ST14: variants seen among roughly 807,000 people sequenced by gnomAD.
ST14 encodes ST14 transmembrane serine protease matriptase.
In ST14, 40 loss-of-function variants were observed where a neutral mutation model predicts 96.5. The ratio of observed to expected loss-of-function variants is 0.41; its 90% CI spans 0.32 to 0.54. ST14 has a LOEUF of 0.54. Ranked by LOEUF, ST14 falls within the 20% of genes least tolerant of loss-of-function variation. The probability of loss-of-function intolerance (pLI) is 0.17; values close to 1 mark genes in which losing one functional copy is unlikely to be tolerated. For synonymous variants in ST14, 506 were observed against 492.1 expected (o/e 1.03, Z -0.37); for missense variants, 1,066 against 1,188.9 (o/e 0.90, Z 1.52).
At position 130,188,982 on chromosome 11, in the gene ST14, G is replaced by A. The variant is rs1358114535; in HGVS notation, c.440+43G>A. On this transcript the variant is annotated intron_variant, in intron 4 of 18. Transcript: ENST00000278742. This position sits in a 1 kb window ranked among gnomAD's most constrained non-coding sequence, Gnocchi z 5.4. ...GCTCAGTGGGATGCACCCCAGACTGGCTGGGAGTAGGATCGGGGTACAGTG... is the reference window on the plus strand; with the variant it reads ...GCTCAGTGGGATGCACCCCAGACTGACTGGGAGTAGGATCGGGGTACAGTG... The A allele has an allele frequency of 6.3e-7, 1 of 1,575,282 alleles. No individual in the cohort carries two copies. Among genetic ancestry groups the A allele is most frequent in the African/African-American group, 1.3e-5 (1 of 74,668 alleles).
At chr11:130,183,455 C>A (rs1023611539) in intron 1 of ST14, among the ~76,000 whole-genome samples, 3 of 151,814 alleles carry the variant, frequency 2.0e-5, no homozygotes. Context: ...ACCCTGTAGT[C>A]CCAGCTACTC....
At position 130,198,542 on chromosome 11, in the gene ST14, G is replaced by A; in HGVS notation, c.1605G>A (p.Gly535=). The change falls in exon 14 of 19, where the codon GGG becomes GGA. Residue 535 remains glycine, a synonymous_variant. Transcript: ENST00000278742. Reference sequence around the variant, plus strand: ...CCCAGACCTTCAGGTGTTCCAATGGGAAGTGCCTCTCGAAAAGCCAGCAGT... The same window carrying A: ...CCCAGACCTTCAGGTGTTCCAATGGAAAGTGCCTCTCGAAAAGCCAGCAGT... ...CPAQTFRCSN[G]KCLSKSQQCN... is the part of the protein sequence containing the mutation. 6.2e-7 allele frequency: 1 copy of A among 1,614,090 alleles called. No individual in the cohort carries two copies. Among genetic ancestry groups the A allele is most frequent in the Non-Finnish European group, 8.5e-7 (1 of 1,180,026 alleles).
chr11:130,169,095 T>TC (rs1449622151), intron 1 of ST14, among the ~76,000 whole-genome samples: 2 of 100,876 alleles, frequency 2.0e-5, no homozygotes, highest in East Asian at 9.5e-4. Flanking sequence ...ATAATGGGTT[T>TC]TTTTTTTTTT....
At chr11:130,169,823 A>G (rs1238480220) in intron 1 of ST14, among the ~76,000 whole-genome samples, 2 of 152,198 alleles carry the variant, frequency 1.3e-5, no homozygotes, top group African/African-American at 4.8e-5. Context: ...GATTTAATAA[A>G]AAGTCAAGAA....
In ST14 at chr11:130,181,323, G is replaced by A. The variant is rs1319066706; in HGVS notation, c.82-6791G>A. 1.3e-5 allele frequency among the ~76,000 whole-genome samples: 2 copies of A among 152,238 alleles called. No homozygotes were observed. The highest frequency in any genetic ancestry group is 2.4e-5 in the African/African-American group (1 of 41,520). ...ACCTCCCGCCTGGAAGTCATTCCTCGTTCCCTTGTCTGAGTGGCCTGGAGC... is the reference window on the plus strand; with the variant it reads ...ACCTCCCGCCTGGAAGTCATTCCTCATTCCCTTGTCTGAGTGGCCTGGAGC... On this transcript the variant is annotated intron_variant, in intron 1 of 18. Coordinates refer to ENST00000278742, the MANE Select transcript of ST14 (RefSeq NM_021978.4). The surrounding 1 kb of genome is among the most constrained non-coding windows in gnomAD (Gnocchi z 4.1).
Position 130,190,312 on chromosome 11 carries a change from C to T in ST14, c.635-142C>T. The T allele has an allele frequency of 8.0e-6, 12 of 1,491,130 alleles. No homozygotes were observed. In the South Asian group the frequency reaches 1.4e-4, roughly 18 times the overall value. The allele number at this position is 1,491,130 out of a possible 1,614,324, so 92.4% of individuals were successfully genotyped here. On this transcript the variant is annotated intron_variant, in intron 6 of 18. Transcript: ENST00000278742. ...CCAGGCCCTTCTGAGAAGCCCCCTT[C>T]CTGATTTCCCGAGGCCCAGGGCAGC...
At chr11:130,169,701 G>T (rs1953072770) in intron 1 of ST14, among the ~76,000 whole-genome samples, 2 of 152,194 alleles carry the variant, frequency 1.3e-5, no homozygotes. Context: ...ACTATTGGGA[G>T]AAACTGGGCA....
At chr11:130,168,468 T>C (rs1005437244) in intron 1 of ST14, among the ~76,000 whole-genome samples, 3 of 152,112 alleles carry the variant, frequency 2.0e-5, no homozygotes, top group South Asian at 2.1e-4. Context: ...GTCTCCTGAG[T>C]GGGGAAACTA....
At chr11:130,180,077 C>T (rs1394663004) in intron 1 of ST14, among the ~76,000 whole-genome samples, 3 of 152,192 alleles carry the variant, frequency 2.0e-5, no homozygotes, top group Admixed American at 1.3e-4. Flanking sequence ...TGAAATCCGT[C>T]CCACCTTGGA....
At chr11:130,182,703 G>A (rs1345459391) in intron 1 of ST14, among the ~76,000 whole-genome samples, 1 of 150,892 alleles carries the variant, frequency 6.6e-6, no homozygotes, top group Non-Finnish European at 1.5e-5. Context: ...AGGCTGGAGT[G>A]CAGTGGTGTG....
intron 11 of ST14, among the ~76,000 whole-genome samples, chr11:130,197,049 C>G (rs1210737375): frequency 6.6e-6 from 1 of 152,184 alleles, no homozygotes; most frequent in Non-Finnish European, 1.5e-5. Flanking sequence ...CCTGTTAGCA[C>G]CGTTAGGATT....
Position 130,196,396 on chromosome 11 carries a change from GGC to G in ST14, c.1173_1174del (p.Val392AlafsTer51). The G allele has an allele frequency of 1.2e-6, 2 of 1,610,074 alleles. No homozygotes were observed. The highest frequency in any genetic ancestry group is 8.5e-7 in the Non-Finnish European group (1 of 1,178,594). ...RFKFFYLLEP[G>X]VPAGTCPKDY... is the part of the protein sequence containing the mutation. ...CAAATTCTTCTACCTGCTGGAGCCC[GGC>G]GTGCCTGCGGGCACCTGCCCCAAGG... On this transcript the variant is annotated frameshift_variant, in exon 10 of 19. Transcript: ENST00000278742. LOFTEE classifies it high-confidence loss of function.
intron 1 of ST14, among the ~76,000 whole-genome samples, chr11:130,185,034 C>T (rs1953225222): frequency 6.6e-6 from 1 of 152,230 alleles, no homozygotes; most frequent in African/African-American, 2.4e-5. Flanking sequence ...AGCTTCCAAA[C>T]AGCCGCCAGG....
rs1953170464 is a variant in ST14 at position 130,179,440 on chromosome 11, T to C, written c.82-8674T>C. On this transcript the variant is annotated intron_variant, in intron 1 of 18. Coordinates refer to ENST00000278742, the MANE Select transcript of ST14 (RefSeq NM_021978.4). ...TGGGAGGATTCCAGTGTGGCCTTTC[T>C]TTTCCTTTCTCATTTGCCCATCGGT... Among the ~76,000 whole-genome samples, 3 of 152,314 alleles carry C rather than the reference T, an allele frequency of 2.0e-5. No homozygotes were observed. The South Asian group carries it at 6.2e-4, about 32-fold the overall frequency.
At chr11:130,203,575 C>A (rs1350228888) in intron 16 of ST14, among the ~76,000 whole-genome samples, 1 of 152,266 alleles carries the variant, frequency 6.6e-6, no homozygotes, top group Non-Finnish European at 1.5e-5. Context: ...CCTGCCCGTC[C>A]GTGCAGTCTC....
chr11:130,159,991 T>A lies in ST14; in HGVS notation c.12T>A (p.Asp4Glu), dbSNP rs567582561. The A allele has an allele frequency of 2.3e-4, 323 of 1,402,216 alleles. 6 individuals carry two copies. The South Asian group carries it at 4.5e-3, about 20-fold the overall frequency. The allele number at this position is 1,402,216 out of a possible 1,614,324, so 86.9% of individuals were successfully genotyped here. MGSDRARKGGGGPK... is the reference protein window; with the variant it reads MGSERARKGGGGPK... ...CGGCCTCGGGGACCATGGGGAGCGA[T>A]CGGGCCCGCAAGGGCGGAGGGGGCC... The change falls in exon 1 of 19, where the codon GAT becomes GAA. Residue 4 changes from aspartate to glutamate, a missense_variant. Asp to Glu is a conservative substitution (Grantham distance 45, BLOSUM62 2). Transcript: ENST00000278742.
At position 130,188,038 on chromosome 11, in the gene ST14, G is replaced by A; in HGVS notation, c.82-76G>A. On this transcript the variant is annotated intron_variant, in intron 1 of 18. Transcript: ENST00000278742. The surrounding 1 kb of genome is among the most constrained non-coding windows in gnomAD (Gnocchi z 5.4). ...TTCTCCAAGCTGGACCTCACAAAAT[G>A]TGAACATCTTCCCCAGCGGGGTGCA... 6.3e-7 allele frequency: 1 copy of A among 1,579,908 alleles called. No homozygotes were observed. Among genetic ancestry groups the A allele is most frequent in the Non-Finnish European group, 8.6e-7 (1 of 1,162,362 alleles).
At chr11:130,199,169 A>G (rs1430599161) in intron 15 of ST14, 100 bp downstream of exon 15, 1 of 1,300,772 alleles carries the variant, frequency 7.7e-7, no homozygotes, top group African/African-American at 1.5e-5. Context: ...CACCTCACTT[A>G]GCAGCTCTGT....
At position 130,188,541 on chromosome 11, in the gene ST14, C is replaced by T. The variant is rs761971701; in HGVS notation, c.253C>T (p.Arg85Cys). 5.6e-6 allele frequency: 9 copies of T among 1,614,082 alleles called. No homozygotes were observed. Among genetic ancestry groups the T allele is most frequent in the Middle Eastern group, 1.6e-4 (1 of 6,062 alleles). ...LVWHLQYRDV[R>C]VQKVFNGYMR... ...CTGGTCTCACACAGACCGGGACGTG[C>T]GTGTCCAGAAGGTCTTCAATGGCTA... is the stretch of plus-strand genomic sequence containing the variant. The change falls in exon 3 of 19, where the codon CGT (arginine) becomes TGT (cysteine). Residue 85 changes from arginine (R) to cysteine (C), a missense_variant. Arg to Cys is a radical substitution (Grantham distance 180). Transcript: ENST00000278742. The surrounding 1 kb of genome is among the most constrained non-coding windows in gnomAD (Gnocchi z 5.4).
Sources: gnomAD v4.1 joint callset for allele counts (sites outside exome capture counted in the v4.1 genomes callset) on GRCh38, gnomAD v4.1.1 for gene constraint, Gnocchi (gnomAD v3.1) non-coding constraint, MANE v1.5 for transcripts, NCBI Gene and HGNC (gene_info 2026-07-23, HGNC 2026-07-21) for gene names.